Variants in JAM2 observed in about 807,000 individuals in gnomAD.
JAM2 encodes the protein junctional adhesion molecule 2.
JAM2 carries 17 observed loss-of-function variants against 42.0 expected under a neutral mutation model. The ratio of observed to expected loss-of-function variants is 0.40; its 90% CI spans 0.28 to 0.61. JAM2 has a LOEUF of 0.61. Ranked by LOEUF, JAM2 falls within the 20% of genes least tolerant of loss-of-function variation. JAM2 has a pLI of 0.37. For synonymous variants in JAM2, 118 were observed against 128.6 expected, an observed-to-expected ratio of 0.92 and a Z score of 0.56; for missense variants, 319 against 358.3, an observed-to-expected ratio of 0.89 and a Z score of 0.89.
Position 25,695,600 on chromosome 21 carries a change from A to G in JAM2, c.394+1692A>G, listed in dbSNP as rs1333138022. 2.0e-5 allele frequency among the ~76,000 whole-genome samples: 3 copies of G among 146,350 alleles called. No individual in the cohort carries two copies. The South Asian group carries it at 6.5e-4, about 32-fold the overall frequency. On this transcript the variant is annotated intron_variant, in intron 4 of 9. Coordinates refer to ENST00000480456, the MANE Select transcript of JAM2 (RefSeq NM_021219.4). ...CCCGGACGGGGCGGCGGCCGGGCAG[A>G]GGCGCCCCCCCACCTCCCTCCCGGA...
At chr21:25,651,396 A>C (rs2032778373) in intron 1 of JAM2, among the ~76,000 whole-genome samples, 1 of 152,194 alleles carries the variant, frequency 6.6e-6, no homozygotes, top group Non-Finnish European at 1.5e-5. Context: ...CAAAGATAGC[A>C]CTTCTTCCCT....
intron 1 of JAM2, among the ~76,000 whole-genome samples, chr21:25,678,186 A>G (rs1174163439): frequency 1.3e-5 from 2 of 152,202 alleles, no homozygotes; most frequent in Admixed American, 1.3e-4. Flanking sequence ...AGATTGCACC[A>G]TTGCACTCCA....
chr21:25,646,542 G>A (rs903407578), intron 1 of JAM2, among the ~76,000 whole-genome samples: 3 of 152,032 alleles, frequency 2.0e-5, no homozygotes, highest in Non-Finnish European at 4.4e-5. Flanking sequence ...TCCAAAGTGT[G>A]TGAGTGTATG....
chr21:25,644,720 G>A (rs1237351176), intron 1 of JAM2, among the ~76,000 whole-genome samples: 1 of 152,164 alleles, frequency 6.6e-6, no homozygotes, highest in African/African-American at 2.4e-5. Context: ...CTATTATTCT[G>A]TTTCTCACAG....
intron 1 of JAM2, among the ~76,000 whole-genome samples, chr21:25,658,440 AG>A: frequency 6.6e-6 from 1 of 152,284 alleles, no homozygotes; most frequent in Non-Finnish European, 1.5e-5. Flanking sequence ...TAAAATGGAA[AG>A]AGAAATGTAT....
chr21:25,701,662 C>T (rs1331365954), intron 5 of JAM2, among the ~76,000 whole-genome samples: 2 of 152,114 alleles, frequency 1.3e-5, no homozygotes, highest in African/African-American at 2.4e-5. Context: ...TCCTATAAAC[C>T]GATACCAATT....
At chr21:25,704,946 G>C (rs902094828) in intron 6 of JAM2, among the ~76,000 whole-genome samples, 1 of 152,116 alleles carries the variant, frequency 6.6e-6, no homozygotes, top group African/African-American at 2.4e-5. Flanking sequence ...TAATTATTAG[G>C]CAACAGAATC....
intron 5 of JAM2, among the ~76,000 whole-genome samples, chr21:25,700,599 G>T (rs2123402445): frequency 6.6e-6 from 1 of 152,264 alleles, no homozygotes; most frequent in Non-Finnish European, 1.5e-5. Context: ...GACCTCAAGT[G>T]ATCGCTCGCC....
intron 1 of JAM2, among the ~76,000 whole-genome samples, chr21:25,675,762 T>C (rs1310263543): frequency 1.3e-5 from 2 of 151,888 alleles, no homozygotes; most frequent in African/African-American, 4.8e-5. Context: ...GCTCCCATGA[T>C]CCCATCACCC....
In JAM2 at chr21:25,683,956, A is replaced by G; in HGVS notation, c.133+8A>G. 6.4e-7 allele frequency: 1 copy of G among 1,566,036 alleles called. No individual in the cohort carries two copies. On this transcript the variant is annotated splice_region_variant and intron_variant, in intron 2 of 9. Transcript: ENST00000480456. Reference sequence around the variant, plus strand: ...CAGCAGTAGAGTACCAAGGTACAGTATCTTACTGATTTTCACAGGCTGTAT... The same window carrying G: ...CAGCAGTAGAGTACCAAGGTACAGTGTCTTACTGATTTTCACAGGCTGTAT...
In JAM2 at chr21:25,717,145, C is replaced by A. The variant is rs2034494462; in HGVS notation, c.*2473C>A. On this transcript the variant is annotated 3_prime_UTR_variant, in exon 10 of 10. Coordinates refer to ENST00000480456, the MANE Select transcript of JAM2 (RefSeq NM_021219.4). Reference sequence around the variant, plus strand: ...ACTATTGTAATAGCTAGGTAAAAATCCTTGTATAAAAGAATGTTTTCCCCC... The same window carrying A: ...ACTATTGTAATAGCTAGGTAAAAATACTTGTATAAAAGAATGTTTTCCCCC... 6.6e-6 allele frequency: 1 copy of A among 152,430 alleles called. No individual in the cohort carries two copies. The highest frequency in any genetic ancestry group is 2.4e-5 in the African/African-American group (1 of 41,428). 9.4% of individuals were successfully genotyped at this position (152,430 alleles called of 1,614,324 possible).
intron 6 of JAM2, 65 bp downstream of exon 6, chr21:25,702,334 G>A: frequency 1.1e-6 from 1 of 943,020 alleles, no homozygotes; most frequent in Non-Finnish European, 1.7e-6. Context: ...AGCAGTTGGG[G>A]GTACAAGGAG....
At chr21:25,690,108 A>G (rs2033844861) in intron 3 of JAM2, 135 bp downstream of exon 3, 6 of 626,636 alleles carry the variant, frequency 9.6e-6, no homozygotes, top group African/African-American at 1.8e-5. Flanking sequence ...GAAAGCAACC[A>G]TGTCTGAGAC....
At chr21:25,641,129 A>G (rs1320434925) in intron 1 of JAM2, among the ~76,000 whole-genome samples, 1 of 152,250 alleles carries the variant, frequency 6.6e-6, no homozygotes, top group African/African-American at 2.4e-5. Flanking sequence ...CAATTCTGAA[A>G]TATCAATTGG....
intron 1 of JAM2, among the ~76,000 whole-genome samples, chr21:25,659,380 ATG>A (rs1220452636): frequency 6.6e-6 from 1 of 152,010 alleles, no homozygotes; most frequent in African/African-American, 2.4e-5. Flanking sequence ...TAAAATTGCT[ATG>A]TGTGTCTGAT....
intron 1 of JAM2, among the ~76,000 whole-genome samples, chr21:25,646,468 G>C (rs943132266): frequency 2.0e-5 from 3 of 152,082 alleles, no homozygotes; most frequent in Non-Finnish European, 4.4e-5. Context: ...GAGTTTCCCT[G>C]AGTTGTCACC....
In JAM2 at chr21:25,655,625, C is replaced by T. The variant is rs140658583; in HGVS notation, c.67+15737C>T. 6.0e-3 allele frequency among the ~76,000 whole-genome samples: 858 copies of T among 142,772 alleles called. 13 individuals carry two copies. Among genetic ancestry groups the T allele is most frequent in the African/African-American group, 0.021 (822 of 38,414 alleles). The allele number at this position is 142,772 out of a possible 152,430, so 93.7% of individuals were successfully genotyped here. ...CCTCCCGAGTAGCTGGGATTCTAGG[C>T]GTCTGCCACTACGCCCAGCTAATTT... On this transcript the variant is annotated intron_variant, in intron 1 of 9. Coordinates refer to ENST00000480456, the MANE Select transcript of JAM2 (RefSeq NM_021219.4).
intron 5 of JAM2, 148 bp from the exon 6 acceptor site, chr21:25,702,022 A>G (rs776466967): frequency 9.0e-5 from 42 of 466,916 alleles, no homozygotes; most frequent in African/African-American, 5.9e-4. Flanking sequence ...GTCATGGCAG[A>G]TTTTTAAATT....
At chr21:25,699,702 G>A (rs1177918028) in intron 5 of JAM2, among the ~76,000 whole-genome samples, 3 of 117,646 alleles carry the variant, frequency 2.6e-5, no homozygotes, top group Admixed American at 1.2e-4. Flanking sequence ...CAGCCTGGGT[G>A]ACAGAGCCAG....
Sources: gnomAD v4.1 joint callset for allele counts (sites outside exome capture counted in the v4.1 genomes callset) on GRCh38, gnomAD v4.1.1 for gene constraint, MANE v1.5 for transcripts, NCBI Gene and HGNC (gene_info 2026-07-23, HGNC 2026-07-21) for gene names.